Variants in SLIT3 observed in about 807,000 individuals in gnomAD.
SLIT3 encodes the protein slit guidance ligand 3, also known as slit homolog 3 protein.
A neutral mutation model predicts 184.0 loss-of-function variants in SLIT3; 68 were observed. The ratio of observed to expected loss-of-function variants is 0.37; its 90% CI spans 0.30 to 0.45. The LOEUF (loss-of-function observed/expected upper bound fraction) is 0.45, where lower values mean the gene tolerates loss of function less well. Ranked by LOEUF, SLIT3 falls within the 20% of genes least tolerant of loss-of-function variation. The probability of loss-of-function intolerance (pLI) is 1.00; values close to 1 mark genes in which losing one functional copy is unlikely to be tolerated. For synonymous variants in SLIT3, 831 were observed against 828.6 expected, an observed-to-expected ratio of 1.00 and a Z score of -0.05; for missense variants, 1,707 against 2,026.0, an observed-to-expected ratio of 0.84 and a Z score of 3.02.
intron 4 of SLIT3, among the ~76,000 whole-genome samples, chr5:169,190,291 G>A (rs1428737799): frequency 6.6e-6 from 1 of 152,230 alleles, no homozygotes; most frequent in East Asian, 1.9e-4. Context: ...TGCATTTTGA[G>A]TCTTTTGCAT....
chr5:168,869,541 A>T (rs1759434284), intron 5 of SLIT3, among the ~76,000 whole-genome samples: 1 of 152,218 alleles, frequency 6.6e-6, no homozygotes, highest in Admixed American at 6.5e-5. Flanking sequence ...CTTCCTTGAC[A>T]CAGCCTCTGT....
chr5:168,699,952 A>G (rs886923436), intron 27 of SLIT3, among the ~76,000 whole-genome samples: 3 of 152,166 alleles, frequency 2.0e-5, no homozygotes, highest in African/African-American at 7.2e-5. Context: ...CCCTTGGAGG[A>G]AGCACGAGGT....
At chr5:168,833,743 A>G (rs1460498815) in intron 6 of SLIT3, among the ~76,000 whole-genome samples, 4 of 152,220 alleles carry the variant, frequency 2.6e-5, no homozygotes, top group African/African-American at 7.2e-5. Context: ...ATAAAGAGCC[A>G]AAAGACCTGC....
intron 3 of SLIT3, among the ~76,000 whole-genome samples, chr5:169,239,501 A>G (rs748724378): frequency 1.1e-4 from 17 of 152,124 alleles, no homozygotes; most frequent in Non-Finnish European, 2.4e-4. Flanking sequence ...AATTGATATA[A>G]GACAGATTTT....
Position 169,167,924 on chromosome 5 carries a change from C to T in SLIT3, c.413+25555G>A, listed in dbSNP as rs1001265015. Among the ~76,000 whole-genome samples the T allele has an allele frequency of 3.3e-4, 50 of 152,200 alleles. 1 individual carries two copies. The highest frequency in any genetic ancestry group is 4.4e-5 in the Non-Finnish European group (3 of 68,040). On this transcript the variant is annotated intron_variant, in intron 4 of 35. Transcript: ENST00000519560. ...CTTCTCCATAATTTGCCCCAGTTTGCCCCCGTTTCCCCTTACTCCTCCTGA... is the reference window on the plus strand; with the variant it reads ...CTTCTCCATAATTTGCCCCAGTTTGTCCCCGTTTCCCCTTACTCCTCCTGA...
At chr5:169,164,143 A>G (rs1179225601) in intron 4 of SLIT3, among the ~76,000 whole-genome samples, 1 of 152,204 alleles carries the variant, frequency 6.6e-6, no homozygotes, top group Non-Finnish European at 1.5e-5. Flanking sequence ...AGACATCTAA[A>G]CATAACCACA....
chr5:169,222,659 G>A (rs573075366), intron 3 of SLIT3, among the ~76,000 whole-genome samples: 24 of 152,262 alleles, frequency 1.6e-4, no homozygotes, highest in African/African-American at 3.6e-4. Flanking sequence ...AAGCTATGCC[G>A]TAACTTACTC....
chr5:168,763,258 CCAT>C (rs1755222662), intron 14 of SLIT3, among the ~76,000 whole-genome samples: 1 of 152,014 alleles, frequency 6.6e-6, no homozygotes, highest in Non-Finnish European at 1.5e-5. Flanking sequence ...CAATAAATGA[CCAT>C]CGACGCCTGG....
intron 4 of SLIT3, among the ~76,000 whole-genome samples, chr5:169,057,950 C>A (rs924338104): frequency 5.9e-5 from 9 of 152,198 alleles, no homozygotes; most frequent in Admixed American, 1.3e-4. Context: ...CTGATAGAGG[C>A]TTAAGATCAA....
chr5:168,668,155 C>T (rs1761116851), intron 35 of SLIT3, among the ~76,000 whole-genome samples: 2 of 152,212 alleles, frequency 1.3e-5, no homozygotes, highest in Admixed American at 1.3e-4. Flanking sequence ...CAAGGTAAGA[C>T]AACCATTTTA....
intron 5 of SLIT3, among the ~76,000 whole-genome samples, chr5:168,873,876 A>G (rs1412514506): frequency 3.3e-5 from 5 of 152,274 alleles, no homozygotes; most frequent in Admixed American, 6.5e-5. Flanking sequence ...CCAATAAGAT[A>G]AAGAATCAGA....
intron 15 of SLIT3, 43 bp downstream of exon 15, chr5:168,762,496 C>A (rs2288796): frequency 2.5e-6 from 4 of 1,591,150 alleles, no homozygotes; most frequent in Admixed American, 1.7e-5. Flanking sequence ...GGGTGACTGG[C>A]GTGTGGGGAG....
intron 3 of SLIT3, among the ~76,000 whole-genome samples, chr5:169,241,534 C>A (rs374312535): frequency 6.6e-6 from 1 of 152,254 alleles, no homozygotes; most frequent in East Asian, 1.9e-4. Flanking sequence ...AAAAATGTAT[C>A]TAAACATTAC....
At position 168,708,350 on chromosome 5, in the gene SLIT3, C is replaced by T; in HGVS notation, c.2720-250G>A. 3 of 568,628 alleles carry T rather than the reference C, an allele frequency of 5.3e-6. No homozygotes were observed. In the South Asian group the frequency reaches 6.3e-5, roughly 12 times the overall value. The allele number at this position is 568,628 out of a possible 1,614,324, so 35.2% of individuals were successfully genotyped here. A position where few individuals can be genotyped will look rare whatever the true frequency, so the allele number is the denominator to read the frequency against. ...AACACTTCTGCAGTCAAATCAATTA[C>T]TGTAATTAGCCTGATCCGATTTTGG... is the stretch of plus-strand genomic sequence containing the variant. On this transcript the variant is annotated intron_variant, in intron 25 of 35. Coordinates refer to ENST00000519560, the MANE Select transcript of SLIT3 (RefSeq NM_003062.4).
rs1765780918 is a variant in SLIT3 at position 169,251,733 on chromosome 5, C to A, written c.198-274G>T. On this transcript the variant is annotated intron_variant, in intron 1 of 35. Coordinates refer to ENST00000519560, the MANE Select transcript of SLIT3 (RefSeq NM_003062.4). ...ATTTTTCTGTTGAAGTTTCCCCTCC[C>A]CCAACTCTCAGATCATGTCATACAA... 2.6e-5 allele frequency among the ~76,000 whole-genome samples: 4 copies of A among 152,168 alleles called. No homozygotes were observed. In the South Asian group the frequency reaches 8.3e-4, roughly 32 times the overall value.
chr5:169,106,192 C>G (rs1760200393), intron 4 of SLIT3, among the ~76,000 whole-genome samples: 1 of 152,108 alleles, frequency 6.6e-6, no homozygotes, highest in African/African-American at 2.4e-5. Context: ...TGCACCTGAA[C>G]CCGGGAACTT....
chr5:169,041,155 C>T (rs571508855), intron 4 of SLIT3, among the ~76,000 whole-genome samples: 2 of 152,274 alleles, frequency 1.3e-5, no homozygotes, highest in East Asian at 1.9e-4. Context: ...GGAATATTCA[C>T]CTAATATTTC....
At chr5:168,850,896 G>C (rs1758644093) in intron 5 of SLIT3, among the ~76,000 whole-genome samples, 2 of 152,200 alleles carry the variant, frequency 1.3e-5, no homozygotes, top group Admixed American at 1.3e-4. Flanking sequence ...GGAGAATAAA[G>C]AGGTGTTTTA....
chr5:169,248,847 T>G lies in SLIT3; in HGVS notation c.269+2541A>C, dbSNP rs562260582. ...CCATCCCATGGGAGAAAAAAAAATG[T>G]CCTGGGCAATTCTTCTATCTTCTCC... On this transcript the variant is annotated intron_variant, in intron 2 of 35. Coordinates refer to ENST00000519560, the MANE Select transcript of SLIT3 (RefSeq NM_003062.4). Among the ~76,000 whole-genome samples, 4 of 152,334 alleles carry G rather than the reference T, an allele frequency of 2.6e-5. No individual in the cohort carries two copies. In the East Asian group the frequency reaches 7.7e-4, roughly 29 times the overall value.
Sources: allele counts gnomAD v4.1 joint callset (sites outside exome capture counted in the v4.1 genomes callset), GRCh38; gene constraint gnomAD v4.1.1; transcripts MANE v1.5; gene names NCBI Gene and HGNC (gene_info 2026-07-23, HGNC 2026-07-21).